CDH4: variants seen among roughly 807,000 people sequenced by gnomAD.
CDH4 encodes cadherin-4.
In CDH4, 33 loss-of-function variants were observed where a neutral mutation model predicts 86.0. The ratio of observed to expected loss-of-function variants is 0.38; its 90% CI spans 0.29 to 0.51. The LOEUF (loss-of-function observed/expected upper bound fraction) is 0.51. Ranked by LOEUF, CDH4 falls within the 20% of genes least tolerant of loss-of-function variation. CDH4 has a pLI of 0.86. For missense variants in CDH4, 1,114 were observed against 1,307.4 expected (o/e 0.85, Z 2.28); for synonymous variants, 555 against 549.4 (o/e 1.01, Z -0.14).
chr20:61,920,130 C>T (rs77648219), intron 9 of CDH4, among the ~76,000 whole-genome samples: 21 of 9,456 alleles, frequency 2.2e-3, no homozygotes, highest in East Asian at 9.3e-3. Flanking sequence ...ACGGTGATTG[C>T]GTGGAAGCGT....
intron 2 of CDH4, among the ~76,000 whole-genome samples, chr20:61,340,730 A>G (rs779979677): frequency 1.3e-5 from 2 of 152,002 alleles, no homozygotes; most frequent in Non-Finnish European, 2.9e-5. Flanking sequence ...GACCACAGGC[A>G]CACACCTCCA....
At chr20:61,529,572 T>C (rs1017210638) in intron 2 of CDH4, among the ~76,000 whole-genome samples, 3 of 152,210 alleles carry the variant, frequency 2.0e-5, no homozygotes, top group Non-Finnish European at 2.9e-5. Context: ...GGAAAGAGAA[T>C]CTCTGTCATC....
chr20:61,745,037 A>T (rs374382268), intron 3 of CDH4, among the ~76,000 whole-genome samples: 9 of 152,010 alleles, frequency 5.9e-5, no homozygotes, highest in East Asian at 5.8e-4. Flanking sequence ...ATGTGTGCCA[A>T]CCCCTCCAGA....
At chr20:61,699,451 A>G (rs958279579) in intron 2 of CDH4, among the ~76,000 whole-genome samples, 1 of 152,218 alleles carries the variant, frequency 6.6e-6, no homozygotes, top group Middle Eastern at 3.2e-3. Context: ...AGCTCTGCCC[A>G]GGAGCACTGT....
At position 61,735,369 on chromosome 20, in the gene CDH4, G is replaced by A. The variant is rs546425639; in HGVS notation, c.170-8194G>A. 2.9e-3 allele frequency among the ~76,000 whole-genome samples: 448 copies of A among 152,322 alleles called. 5 individuals are homozygous for A. The highest frequency in any genetic ancestry group is 4.8e-3 in the Non-Finnish European group (329 of 68,024). ...AGCACATTCAAAATGCTGGGCCACC[G>A]TCACCCCAAGGGAAACCTGGTCCCC... On this transcript the variant is annotated intron_variant, in intron 2 of 15. Coordinates refer to ENST00000614565, the MANE Select transcript of CDH4 (RefSeq NM_001794.5).
At chr20:61,724,359 A>C (rs1250810044) in intron 2 of CDH4, among the ~76,000 whole-genome samples, 1 of 152,154 alleles carries the variant, frequency 6.6e-6, no homozygotes, top group Admixed American at 6.5e-5. Flanking sequence ...GCAGTTCAGA[A>C]CCCCGTGTCC....
intron 7 of CDH4, among the ~76,000 whole-genome samples, chr20:61,877,733 C>A (rs55856812): frequency 1.3e-5 from 2 of 152,108 alleles, no homozygotes; most frequent in African/African-American, 4.8e-5. Context: ...CTGTCTTGTG[C>A]GTGTGAAACA....
At chr20:61,528,767 C>T (rs529825387) in intron 2 of CDH4, among the ~76,000 whole-genome samples, 5 of 151,814 alleles carry the variant, frequency 3.3e-5, no homozygotes, top group African/African-American at 4.8e-5. Flanking sequence ...GGAAGCATGG[C>T]GGGGTTGCAT....
intron 2 of CDH4, among the ~76,000 whole-genome samples, chr20:61,302,178 ACC>A (rs1212573396): frequency 2.6e-5 from 4 of 152,194 alleles, no homozygotes; most frequent in African/African-American, 9.7e-5. Context: ...CTGGGCGGTG[ACC>A]TGCAGCTCAT....
Position 61,417,783 on chromosome 20 carries a change from G to T in CDH4, c.169+162846G>T, listed in dbSNP as rs1031633027. On this transcript the variant is annotated intron_variant, in intron 2 of 15. Coordinates refer to ENST00000614565, the MANE Select transcript of CDH4 (RefSeq NM_001794.5). The surrounding 1 kb of genome is among the most constrained non-coding windows in gnomAD (Gnocchi z 4.0). ...CCTGACAAGGTCCTCGAGGCCAGGCGAGGTCTCAGGAAGTCTGAGTTTGGA... is the reference window on the plus strand; with the variant it reads ...CCTGACAAGGTCCTCGAGGCCAGGCTAGGTCTCAGGAAGTCTGAGTTTGGA... Among the ~76,000 whole-genome samples the T allele has an allele frequency of 6.6e-6, 1 of 152,114 alleles. No individual in the cohort carries two copies. The highest frequency in any genetic ancestry group is 1.5e-5 in the Non-Finnish European group (1 of 68,032).
chr20:61,300,395 G>A (rs1043394616), intron 2 of CDH4, among the ~76,000 whole-genome samples: 1 of 152,152 alleles, frequency 6.6e-6, no homozygotes. Flanking sequence ...TGGGAGTCTC[G>A]GCTGGGTGGG....
chr20:61,437,505 G>A (rs951412696), intron 2 of CDH4: 3 of 152,186 alleles, frequency 2.0e-5, no homozygotes, highest in South Asian at 2.1e-4. Flanking sequence ...GCTAAATAAG[G>A]TATCTGGGCT....
At chr20:61,736,535 C>T (rs1225723739) in intron 2 of CDH4, among the ~76,000 whole-genome samples, 1 of 151,996 alleles carries the variant, frequency 6.6e-6, no homozygotes, top group Non-Finnish European at 1.5e-5. Flanking sequence ...CACTGGCAGT[C>T]TCTGTGTCTG....
At chr20:61,865,247 G>GTGA (rs1983494390) in intron 6 of CDH4, among the ~76,000 whole-genome samples, 4 of 152,084 alleles carry the variant, frequency 2.6e-5, no homozygotes, top group Admixed American at 1.3e-4. Flanking sequence ...ATTAGTGTAG[G>GTGA]TGATGAGCTG....
intron 2 of CDH4, among the ~76,000 whole-genome samples, chr20:61,380,954 A>G (rs1319970355): frequency 6.6e-6 from 1 of 152,262 alleles, no homozygotes; most frequent in Non-Finnish European, 1.5e-5. Context: ...ATACTGGAGT[A>G]TCATCCTTTA....
intron 2 of CDH4, among the ~76,000 whole-genome samples, chr20:61,640,497 G>C (rs1487504409): frequency 2.0e-5 from 3 of 152,140 alleles, no homozygotes; most frequent in Admixed American, 2.0e-4. Context: ...CTGCTGTTCA[G>C]GGGGATTGGA....
rs138638887 is a variant in CDH4, at chr20:61,934,085, G to T, written c.2409G>T (p.Pro803=). 1.7e-5 allele frequency: 28 copies of T among 1,611,128 alleles called. No individual in the cohort carries two copies. In the African/African-American group the frequency reaches 3.3e-4, roughly 19 times the overall value. ...QDYDLSQLQQ[P]EAMGHVPSKA... is the part of the protein sequence containing the mutation. The stretch of plus-strand genomic sequence containing the variant: ...ACGACCTCAGCCAGCTGCAGCAGCC[G>T]GAAGCCATGGGGCACGTGCCAAGCA... Residue 803 remains proline (P), a synonymous_variant, in exon 15 of 16, where the codon CCG becomes CCT. Transcript: ENST00000614565.
chr20:61,720,619 G>T (rs1383386749), intron 2 of CDH4, among the ~76,000 whole-genome samples: 1 of 147,824 alleles, frequency 6.8e-6, no homozygotes, highest in Non-Finnish European at 1.5e-5. Flanking sequence ...GCATGCAGGG[G>T]TGCAGAGTGC....
chr20:61,803,016 CG>C (rs1979914806), intron 4 of CDH4, among the ~76,000 whole-genome samples: 1 of 152,206 alleles, frequency 6.6e-6, no homozygotes, highest in Admixed American at 6.5e-5. Context: ...TTGTCACTGC[CG>C]GGGCCTGATT....
Sources: gnomAD v4.1 joint callset for allele counts (sites outside exome capture counted in the v4.1 genomes callset) on GRCh38, gnomAD v4.1.1 for gene constraint, Gnocchi (gnomAD v3.1) non-coding constraint, MANE v1.5 for transcripts, NCBI Gene and HGNC (gene_info 2026-07-23, HGNC 2026-07-21) for gene names.